The following TMEM161B variants were observed in gnomAD, a reference collection of about 807,000 sequenced individuals.
TMEM161B encodes the protein transmembrane protein 161B.
In TMEM161B, 34 loss-of-function variants were observed where a neutral mutation model predicts 61.8. The observed-to-expected ratio is 0.55, with a 90% CI of 0.42 to 0.73. The LOEUF is 0.73. Among genes scored for constraint, TMEM161B ranks in the 30% least tolerant of loss-of-function variants. TMEM161B has a pLI of 0.00. For missense variants in TMEM161B, 456 were observed against 558.5 expected (o/e 0.82, Z 1.85); for synonymous variants, 167 against 192.8 (o/e 0.87, Z 1.11).
chr5:88,250,953 G>C (rs1328934161), intron 1 of TMEM161B: 1 of 152,180 alleles, frequency 6.6e-6, no homozygotes, highest in African/African-American at 2.4e-5. Context: ...CTGCAATAAA[G>C]AGTTTAATTA....
rs753101231 is a variant in TMEM161B, at chr5:88,207,115, C to T, written c.512G>A (p.Cys171Tyr). ...AAAGAAAAAAAATCCAAAGGTGACA[C>T]AAACAGATCTTTCACCACCATCTTC... ...KVEDGGERSV[C>Y]VTFGFFFFVK... Residue 171 changes from cysteine to tyrosine, a missense_variant, in exon 6 of 12, where the codon TGT becomes TAT. Physicochemically the swap from Cys to Tyr is radical, Grantham distance 194 (BLOSUM62 -2). Coordinates refer to ENST00000296595, the MANE Select transcript of TMEM161B (RefSeq NM_153354.5). The T allele has an allele frequency of 6.2e-7, 1 of 1,613,086 alleles. No homozygotes were observed. The highest frequency in any genetic ancestry group is 8.5e-7 in the Non-Finnish European group (1 of 1,179,444).
Position 88,218,194 on chromosome 5 carries a change from T to A in TMEM161B, c.446+2369A>T, listed in dbSNP as rs115176516. Among the ~76,000 whole-genome samples, 817 of 152,164 alleles carry A rather than the reference T, an allele frequency of 5.4e-3. 11 individuals carry two copies. The highest frequency in any genetic ancestry group is 0.019 in the African/African-American group (793 of 41,502). ...ATTCTTGGGAAACCAGTTGAGGAGA[T>A]CGAATATCTGAATAATAAGCATTCC... On this transcript the variant is annotated intron_variant, in intron 5 of 11. Coordinates refer to ENST00000296595, the MANE Select transcript of TMEM161B (RefSeq NM_153354.5).
intron 2 of TMEM161B, among the ~76,000 whole-genome samples, chr5:88,231,624 A>AAT: frequency 6.6e-6 from 1 of 152,340 alleles, no homozygotes; most frequent in African/African-American, 2.4e-5. Flanking sequence ...TACGATAAAA[A>AAT]ATATATATAT....
intron 1 of TMEM161B, among the ~76,000 whole-genome samples, chr5:88,261,279 A>T (rs1179826549): frequency 6.6e-6 from 1 of 152,172 alleles, no homozygotes; most frequent in African/African-American, 2.4e-5. Flanking sequence ...AGAATAAATA[A>T]ATGGAGAGAT....
chr5:88,210,312 A>G (rs926744920), intron 5 of TMEM161B, among the ~76,000 whole-genome samples: 6 of 152,238 alleles, frequency 3.9e-5, no homozygotes, highest in Admixed American at 2.0e-4. Flanking sequence ...ACAAAAACAT[A>G]TGGATCAATA....
exon 13 of TMEM161B, chr5:88,190,015 C>A: frequency 4.3e-6 from 3 of 698,984 alleles, no homozygotes; most frequent in Non-Finnish European, 7.8e-6. Flanking sequence ...TTATCTGAGC[C>A]GATCCGTAAG....
At chr5:88,249,074 T>C (rs1753996273) in intron 1 of TMEM161B, among the ~76,000 whole-genome samples, 1 of 152,068 alleles carries the variant, frequency 6.6e-6, no homozygotes, top group Non-Finnish European at 1.5e-5. Flanking sequence ...TGGGTACAAC[T>C]CACATTTAGG....
intron 1 of TMEM161B, among the ~76,000 whole-genome samples, chr5:88,244,024 G>A (rs765550896): frequency 1.3e-5 from 2 of 151,858 alleles, no homozygotes; most frequent in Non-Finnish European, 2.9e-5. Context: ...TATACATTCA[G>A]AATATTACAC....
chr5:88,202,810 T>C lies in TMEM161B; in HGVS notation c.914+152A>G, dbSNP rs899636060. 14 of 675,278 alleles carry C rather than the reference T, an allele frequency of 2.1e-5. No homozygotes were observed. The African/African-American group carries it at 2.2e-4, about 11-fold the overall frequency. 41.8% of individuals were successfully genotyped at this position (675,278 alleles called of 1,614,324 possible). On this transcript the variant is annotated intron_variant, in intron 9 of 11. Coordinates refer to ENST00000296595, the MANE Select transcript of TMEM161B (RefSeq NM_153354.5). ...CACAAAAATGTTACATGATGGTCTG[T>C]AGTTTCAATTTTCTAACACATCTTT...
At chr5:88,259,062 T>C (rs1755355777) in intron 1 of TMEM161B, among the ~76,000 whole-genome samples, 2 of 152,182 alleles carry the variant, frequency 1.3e-5, no homozygotes, top group African/African-American at 4.8e-5. Context: ...CATAAGCCAC[T>C]TCTACTAGTA....
chr5:88,229,689 C>T (rs186354458), intron 2 of TMEM161B, among the ~76,000 whole-genome samples: 1 of 145,792 alleles, frequency 6.9e-6, no homozygotes, highest in African/African-American at 2.6e-5. Context: ...GTATGCTAGA[C>T]CCCCCAATTC....
downstream of TMEM161B, among the ~76,000 whole-genome samples, chr5:88,191,338 A>G (rs1340768684): frequency 1.3e-5 from 2 of 152,198 alleles, no homozygotes; most frequent in Non-Finnish European, 2.9e-5. Flanking sequence ...CAGATATCCT[A>G]TATTAGACTC....
chr5:88,214,962 A>C (rs1747550144), intron 5 of TMEM161B, among the ~76,000 whole-genome samples: 1 of 152,202 alleles, frequency 6.6e-6, no homozygotes. Context: ...AAATTTTAAA[A>C]AGTCATTCCT....
At chr5:88,257,757 T>C (rs1755160309) in intron 1 of TMEM161B, among the ~76,000 whole-genome samples, 1 of 152,202 alleles carries the variant, frequency 6.6e-6, no homozygotes, top group Admixed American at 6.5e-5. Context: ...CTCATAAAGA[T>C]TAAATAAGCT....
chr5:88,263,154 C>T (rs1424427248), intron 1 of TMEM161B, among the ~76,000 whole-genome samples: 1 of 152,100 alleles, frequency 6.6e-6, no homozygotes, highest in South Asian at 2.1e-4. Flanking sequence ...GTACCAGGCA[C>T]GTGGGCTGAA....
intron 2 of TMEM161B, among the ~76,000 whole-genome samples, chr5:88,229,580 C>T (rs972374245): frequency 1.3e-5 from 2 of 150,650 alleles, no homozygotes; most frequent in Admixed American, 6.7e-5. Context: ...CTGTTTAAAT[C>T]ATTTCCAAGG....
At chr5:88,264,919 A>T (rs2112795088) in intron 1 of TMEM161B, among the ~76,000 whole-genome samples, 1 of 150,154 alleles carries the variant, frequency 6.7e-6, no homozygotes, top group Middle Eastern at 3.4e-3. Context: ...AACATCACAC[A>T]CTGCGGCCTG....
In TMEM161B at chr5:88,244,139, T is replaced by C. The variant is rs1283744508; in HGVS notation, c.4-3223A>G. Among the ~76,000 whole-genome samples, 3 of 151,996 alleles carry C rather than the reference T, an allele frequency of 2.0e-5. No homozygotes were observed. In the East Asian group the frequency reaches 5.8e-4, roughly 29 times the overall value. On this transcript the variant is annotated intron_variant, in intron 1 of 11. Coordinates refer to ENST00000296595, the MANE Select transcript of TMEM161B (RefSeq NM_153354.5). ...CAGAAGCTCTTTAAAAGAGTATAAT[T>C]AGGTCCCATCTGCCAATTTTTGTTA...
At chr5:88,186,549 T>C (rs546411662), downstream of TMEM161B, among the ~76,000 whole-genome samples, 19 of 152,300 alleles carry the variant, frequency 1.2e-4, no homozygotes, top group Admixed American at 4.6e-4. Context: ...GTTTTGCAAG[T>C]ATTTTATTTC....
Sources: gnomAD v4.1 joint callset for allele counts (sites outside exome capture counted in the v4.1 genomes callset) on GRCh38, gnomAD v4.1.1 for gene constraint, MANE v1.5 for transcripts, NCBI Gene and HGNC (gene_info 2026-07-23, HGNC 2026-07-21) for gene names.